ROBO2: variants seen among roughly 807,000 people sequenced by gnomAD.
ROBO2 encodes roundabout homolog 2.
ROBO2 carries 53 observed loss-of-function variants against 160.8 expected under a neutral mutation model. That is an observed-to-expected ratio of 0.33 (90% CI 0.26 to 0.41). ROBO2 has a LOEUF of 0.41. Among genes scored for constraint, ROBO2 ranks in the 10% least tolerant of loss-of-function variants. ROBO2 has a pLI of 1.00. For synonymous variants in ROBO2, 664 were observed against 611.7 expected, an observed-to-expected ratio of 1.09 and a Z score of -1.26; for missense variants, 1,577 against 1,722.4, an observed-to-expected ratio of 0.92 and a Z score of 1.49.
chr3:77,097,454 T>A (rs570561299), intron 1 of ROBO2, among the ~76,000 whole-genome samples: 15 of 152,330 alleles, frequency 9.8e-5, no homozygotes, highest in African/African-American at 3.4e-4. Context: ...CAAACACACC[T>A]GAGTTCAAAA....
At chr3:76,549,823 T>A (rs2108339068) in intron 2 of ROBO2, among the ~76,000 whole-genome samples, 1 of 152,314 alleles carries the variant, frequency 6.6e-6, no homozygotes, top group African/African-American at 2.4e-5. Flanking sequence ...GCCTGTCTGT[T>A]TATCTGGAAG....
intron 1 of ROBO2, among the ~76,000 whole-genome samples, chr3:77,076,142 A>G (rs1489479515): frequency 6.6e-6 from 1 of 152,166 alleles, no homozygotes; most frequent in Non-Finnish European, 1.5e-5. Context: ...ACATTTTATT[A>G]TCTTATAGTT....
At chr3:76,588,043 G>A (rs2108795252) in intron 2 of ROBO2, among the ~76,000 whole-genome samples, 1 of 152,226 alleles carries the variant, frequency 6.6e-6, no homozygotes, top group Non-Finnish European at 1.5e-5. Context: ...AAAATTAATG[G>A]GGTGTGTGTG....
At chr3:77,007,868 C>CT (rs899474692) in intron 2 of ROBO2, among the ~76,000 whole-genome samples, 1 of 151,818 alleles carries the variant, frequency 6.6e-6, no homozygotes, top group African/African-American at 2.4e-5. Context: ...TCCAAATGGA[C>CT]TTTTTTTATG....
chr3:76,913,674 A>G (rs1270228919), intron 2 of ROBO2, among the ~76,000 whole-genome samples: 1 of 152,172 alleles, frequency 6.6e-6, no homozygotes, highest in East Asian at 1.9e-4. Flanking sequence ...AAAACGTGGC[A>G]ATTACTACAA....
At chr3:76,428,019 A>C (rs1033548427) in intron 2 of ROBO2, among the ~76,000 whole-genome samples, 1 of 152,204 alleles carries the variant, frequency 6.6e-6, no homozygotes, top group African/African-American at 2.4e-5. Context: ...ATATATATTA[A>C]ATTTCAAATA....
At chr3:77,310,874 C>A (rs893890510) in intron 2 of ROBO2, among the ~76,000 whole-genome samples, 18 of 150,244 alleles carry the variant, frequency 1.2e-4, no homozygotes, top group East Asian at 3.9e-4. Flanking sequence ...AATAAAAGAA[C>A]AGAAACTCCA....
intron 2 of ROBO2, chr3:76,435,313 A>G (rs1288515961): frequency 4.4e-6 from 4 of 904,542 alleles, no homozygotes; most frequent in South Asian, 1.3e-5. Context: ...TCCTAGATGA[A>G]CACCCTCATT....
At chr3:77,061,123 G>A (rs1364149679) in intron 1 of ROBO2, among the ~76,000 whole-genome samples, 1 of 151,992 alleles carries the variant, frequency 6.6e-6, no homozygotes, top group Non-Finnish European at 1.5e-5. Flanking sequence ...TTATAAATTT[G>A]TTTAGTAATA....
At chr3:76,405,285 A>C (rs1210980822) in intron 2 of ROBO2, among the ~76,000 whole-genome samples, 1 of 151,552 alleles carries the variant, frequency 6.6e-6, no homozygotes, top group African/African-American at 2.4e-5. Context: ...TGTTCCAGGA[A>C]GAGTGAAAGA....
At chr3:77,117,976 C>G (rs1187498724) in intron 2 of ROBO2, among the ~76,000 whole-genome samples, 5 of 152,144 alleles carry the variant, frequency 3.3e-5, no homozygotes, top group Admixed American at 1.3e-4. Context: ...GGATTGAGCT[C>G]TTTGACATTG....
At chr3:75,939,240 G>A (rs1947930512) in intron 2 of ROBO2, among the ~76,000 whole-genome samples, 1 of 152,128 alleles carries the variant, frequency 6.6e-6, no homozygotes, top group Non-Finnish European at 1.5e-5. Context: ...GATCCAACAT[G>A]ACATGTAGTA....
chr3:77,092,012 T>TAAACAAAC (rs1431122574), intron 1 of ROBO2: 4 of 143,352 alleles, frequency 2.8e-5, no homozygotes, highest in African/African-American at 8.6e-5. Flanking sequence ...AATAAATAAA[T>TAAACAAAC]AAATAAATAA....
intron 2 of ROBO2, among the ~76,000 whole-genome samples, chr3:76,622,191 A>G (rs5019082): frequency 0.085 from 5,603 of 65,630 alleles, 993 homozygotes; most frequent in South Asian, 0.12. Flanking sequence ...TAAAAAAAAG[A>G]AAGGAAGGAA....
chr3:76,073,021 T>C (rs2068513791), intron 2 of ROBO2, among the ~76,000 whole-genome samples: 2 of 152,138 alleles, frequency 1.3e-5, no homozygotes, highest in Admixed American at 1.3e-4. Flanking sequence ...AAGAAACCTT[T>C]ATTTTGTTTT....
chr3:76,493,172 G>A (rs1017716973), intron 2 of ROBO2, among the ~76,000 whole-genome samples: 4 of 151,424 alleles, frequency 2.6e-5, no homozygotes, highest in African/African-American at 4.8e-5. Context: ...GTCAACCATC[G>A]CACTTTCTTA....
At chr3:76,159,992 G>T (rs2072558054) in intron 2 of ROBO2, among the ~76,000 whole-genome samples, 1 of 152,126 alleles carries the variant, frequency 6.6e-6, no homozygotes, top group Admixed American at 6.6e-5. Context: ...AATGAGCCAG[G>T]AACGTTGTTG....
rs544629812 is a variant in ROBO2 at position 76,489,829 on chromosome 3, T to C, written c.109+552227T>C. Among the ~76,000 whole-genome samples the C allele has an allele frequency of 7.2e-5, 11 of 152,136 alleles. No homozygotes were observed. In the South Asian group the frequency reaches 2.3e-3, roughly 32 times the overall value. ...ATTCTTTTATAAACATTTTAATATT[T>C]TAATGAGGTATTTTTGCACTTATTG... On this transcript the variant is annotated intron_variant, in intron 2 of 26. Coordinates refer to the ROBO2 transcript ENST00000487694.
At chr3:75,948,750 A>T (rs2107164447) in intron 2 of ROBO2, among the ~76,000 whole-genome samples, 1 of 152,274 alleles carries the variant, frequency 6.6e-6, no homozygotes, top group African/African-American at 2.4e-5. Flanking sequence ...GAAAAAATAA[A>T]CATGTTCTTC....
Sources: gnomAD v4.1 joint callset for allele counts (sites outside exome capture counted in the v4.1 genomes callset) on GRCh38, gnomAD v4.1.1 for gene constraint, MANE v1.5 for transcripts, NCBI Gene and HGNC (gene_info 2026-07-23, HGNC 2026-07-21) for gene names.